Variants in ADAMTS17 observed in about 807,000 individuals in gnomAD.
ADAMTS17 encodes the protein ADAM metallopeptidase with thrombospondin type 1 motif 17.
A neutral mutation model predicts 141.5 loss-of-function variants in ADAMTS17; 113 were observed. The ratio of observed to expected loss-of-function variants is 0.80; its 90% CI spans 0.69 to 0.93. The LOEUF (loss-of-function observed/expected upper bound fraction) is 0.93, where lower values mean the gene tolerates loss of function less well. ADAMTS17 is among the 40% of genes least tolerant of loss of function. The probability of loss-of-function intolerance (pLI) is 0.00; values close to 1 mark genes in which losing one functional copy is unlikely to be tolerated. For missense variants in ADAMTS17, 1,659 were observed against 1,517.9 expected (o/e 1.09, Z -1.54); for synonymous variants, 768 against 630.6 (o/e 1.22, Z -3.27).
chr15:99,999,126 GA>G (rs1219857141), intron 18 of ADAMTS17, among the ~76,000 whole-genome samples: 1 of 152,108 alleles, frequency 6.6e-6, no homozygotes, highest in East Asian at 1.9e-4. Context: ...CAGATTTATC[GA>G]GGGCCTCCCA....
intron 4 of ADAMTS17, among the ~76,000 whole-genome samples, chr15:100,269,310 A>C (rs1303687081): frequency 1.3e-5 from 2 of 152,242 alleles, no homozygotes; most frequent in Non-Finnish European, 1.5e-5. Flanking sequence ...TCTGTACAGC[A>C]AAAGAAACTA....
intron 18 of ADAMTS17, among the ~76,000 whole-genome samples, chr15:100,019,006 A>G (rs1415998273): frequency 2.6e-5 from 4 of 152,208 alleles, no homozygotes. Context: ...TGCCCAAGAA[A>G]ACCAGAAAAC....
intron 4 of ADAMTS17, among the ~76,000 whole-genome samples, chr15:100,277,275 A>C (rs1008800260): frequency 6.6e-6 from 1 of 151,988 alleles, no homozygotes; most frequent in African/African-American, 2.4e-5. Context: ...GCAGCTGAAG[A>C]GGGGTGCAGG....
intron 18 of ADAMTS17, among the ~76,000 whole-genome samples, chr15:100,006,954 G>T (rs922534101): frequency 6.6e-6 from 1 of 152,188 alleles, no homozygotes; most frequent in South Asian, 2.1e-4. Flanking sequence ...CGGTCAACCC[G>T]CTCAGTCTCA....
At chr15:100,161,733 G>A (rs898407895) in intron 8 of ADAMTS17, among the ~76,000 whole-genome samples, 45 of 152,198 alleles carry the variant, frequency 3.0e-4, no homozygotes, top group African/African-American at 8.4e-4. Flanking sequence ...ACTCAGAAAT[G>A]CTACCTACAA....
Position 100,109,028 on chromosome 15 carries a change from C to A in ADAMTS17, c.1977G>T (p.Gly659=). Residue 659 remains glycine (G), a synonymous_variant, in exon 14 of 22, where the codon GGG becomes GGT. Coordinates refer to ENST00000268070, the MANE Select transcript of ADAMTS17 (RefSeq NM_139057.4). ...GCACGCAGAGATCAGTCTCGTAGGG[C>A]CCGCAGGGTGTACCGTCCAGGACCC... The part of the protein sequence containing the change: ...ADRVLDGTPC[G]PYETDLCVHG... 1.2e-6 allele frequency: 2 copies of A among 1,614,130 alleles called. No homozygotes were observed. The highest frequency in any genetic ancestry group is 2.2e-5 in the South Asian group (2 of 91,084).
At chr15:100,113,195 T>C (rs2036901507) in intron 13 of ADAMTS17, among the ~76,000 whole-genome samples, 1 of 152,186 alleles carries the variant, frequency 6.6e-6, no homozygotes, top group Non-Finnish European at 1.5e-5. Flanking sequence ...TCCTGGGAAC[T>C]CGGTACTGAA....
chr15:100,011,114 AT>A (rs1567673808), intron 18 of ADAMTS17, among the ~76,000 whole-genome samples: 1 of 151,252 alleles, frequency 6.6e-6, no homozygotes, highest in East Asian at 2.0e-4. Flanking sequence ...TAAATCCTGT[AT>A]AAAAAACACT....
At chr15:100,179,695 T>G (rs1596201360) in intron 8 of ADAMTS17, among the ~76,000 whole-genome samples, 1 of 152,218 alleles carries the variant, frequency 6.6e-6, no homozygotes, top group Non-Finnish European at 1.5e-5. Flanking sequence ...TCCACAACCT[T>G]GCCAGCATTT....
intron 15 of ADAMTS17, among the ~76,000 whole-genome samples, chr15:100,081,491 G>A (rs150826382): frequency 1.2e-3 from 184 of 152,228 alleles, no homozygotes; most frequent in African/African-American, 4.3e-3. Flanking sequence ...CACTTTAAAT[G>A]GGTGAATTAT....
intron 18 of ADAMTS17, among the ~76,000 whole-genome samples, chr15:100,042,389 T>C (rs1467764823): frequency 1.3e-5 from 2 of 152,338 alleles, no homozygotes; most frequent in African/African-American, 4.8e-5. Context: ...AGTGGATGCT[T>C]GAAAATAAGG....
At chr15:100,038,121 G>C (rs192008773) in intron 18 of ADAMTS17, among the ~76,000 whole-genome samples, 2 of 152,296 alleles carry the variant, frequency 1.3e-5, no homozygotes, top group African/African-American at 4.8e-5. Context: ...TGTTTGAAAA[G>C]ACTATTCTTT....
At chr15:100,048,364 C>T (rs1303788135) in intron 18 of ADAMTS17, among the ~76,000 whole-genome samples, 3 of 152,248 alleles carry the variant, frequency 2.0e-5, no homozygotes, top group South Asian at 4.2e-4. Context: ...AAGGGTAACA[C>T]GGCCATGAAA....
chr15:100,020,407 G>T (rs2061382743), intron 18 of ADAMTS17, among the ~76,000 whole-genome samples: 1 of 152,166 alleles, frequency 6.6e-6, no homozygotes, highest in African/African-American at 2.4e-5. Context: ...GCAGAGGCAG[G>T]GCTCCAACAG....
intron 18 of ADAMTS17, among the ~76,000 whole-genome samples, chr15:100,001,924 G>A (rs948730371): frequency 7.4e-6 from 1 of 135,182 alleles, no homozygotes; most frequent in African/African-American, 2.8e-5. Context: ...AGCCGAGATT[G>A]CACCACTGCA....
At chr15:100,145,213 C>T (rs1465877933) in intron 10 of ADAMTS17, among the ~76,000 whole-genome samples, 1 of 152,172 alleles carries the variant, frequency 6.6e-6, no homozygotes, top group Non-Finnish European at 1.5e-5. Flanking sequence ...CACAGCAACA[C>T]CAGTGAGGGG....
chr15:100,092,767 G>A (rs1026637800), intron 15 of ADAMTS17, among the ~76,000 whole-genome samples: 10 of 152,106 alleles, frequency 6.6e-5, no homozygotes, highest in South Asian at 4.2e-4. Flanking sequence ...ACGTGAAAAG[G>A]TTCTCGCAAG....
At chr15:100,075,491 G>C (rs2034304607) in intron 15 of ADAMTS17, among the ~76,000 whole-genome samples, 1 of 152,164 alleles carries the variant, frequency 6.6e-6, no homozygotes, top group African/African-American at 2.4e-5. Flanking sequence ...CTCTGAGGCT[G>C]TTGTATGAGT....
chr15:100,051,462 T>C (rs779931450), intron 17 of ADAMTS17, 110 bp downstream of exon 17: 99 of 1,483,302 alleles, frequency 6.7e-5, no homozygotes, highest in Middle Eastern at 2.3e-4. Flanking sequence ...TAAATTCCCA[T>C]GGAGCTACAG....
Sources: allele counts gnomAD v4.1 joint callset (sites outside exome capture counted in the v4.1 genomes callset), GRCh38; gene constraint gnomAD v4.1.1; transcripts MANE v1.5; gene names NCBI Gene and HGNC (gene_info 2026-07-23, HGNC 2026-07-21).